The following ARB2A variants were observed in gnomAD, a reference collection of about 807,000 sequenced individuals.
ARB2A encodes the protein cotranscriptional regulator ARB2A.
At chr5:94,055,473 G>C in the ARB2A span, among the ~76,000 whole-genome samples, 10 of 152,008 alleles carry the variant, frequency 6.6e-5, no homozygotes, top group Non-Finnish European at 1.3e-4. Context: ...GCCATCAAAT[G>C]CTTCATTAAA....
the ARB2A span, among the ~76,000 whole-genome samples, chr5:93,893,748 C>T: frequency 6.6e-5 from 10 of 152,226 alleles, no homozygotes; most frequent in South Asian, 1.0e-3. Flanking sequence ...ATTTCAATAA[C>T]GAGATGCCAT....
At chr5:93,667,495 G>T in the ARB2A span, among the ~76,000 whole-genome samples, 1 of 152,070 alleles carries the variant, frequency 6.6e-6, no homozygotes, top group African/African-American at 2.4e-5. Flanking sequence ...TTGCTTTGTT[G>T]CCTAGGCTGG....
the ARB2A span, among the ~76,000 whole-genome samples, chr5:94,105,093 A>G: frequency 6.6e-6 from 1 of 152,126 alleles, no homozygotes; most frequent in Non-Finnish European, 1.5e-5. Flanking sequence ...CAAGACAAGC[A>G]TGCCCACTCT....
At chr5:93,852,886 C>T in the ARB2A span, among the ~76,000 whole-genome samples, 153 of 152,230 alleles carry the variant, frequency 1.0e-3, no homozygotes, top group African/African-American at 2.0e-3. Context: ...AGTCAGGTAG[C>T]GTGATGCCTC....
At chr5:93,890,181 A>G in the ARB2A span, among the ~76,000 whole-genome samples, 1 of 151,892 alleles carries the variant, frequency 6.6e-6, no homozygotes, top group Admixed American at 6.6e-5. Context: ...AATCTCCCCA[A>G]CTATCAGTTG....
chr5:94,057,483 T>C, the ARB2A span, among the ~76,000 whole-genome samples: 2 of 152,156 alleles, frequency 1.3e-5, no homozygotes, highest in Non-Finnish European at 2.9e-5. Context: ...TGCACAACAA[T>C]GTAAATGTAC....
At chr5:93,847,620 T>C in the ARB2A span, among the ~76,000 whole-genome samples, 5 of 152,340 alleles carry the variant, frequency 3.3e-5, no homozygotes, top group South Asian at 2.1e-4. Flanking sequence ...CTAATTATTA[T>C]ACTAATTATA....
chr5:93,687,427 C>A, the ARB2A span, among the ~76,000 whole-genome samples: 1 of 152,020 alleles, frequency 6.6e-6, no homozygotes, highest in Non-Finnish European at 1.5e-5. Context: ...AAGATACTTA[C>A]TTCAAAACTG....
chr5:93,717,655 G>A, the ARB2A span, among the ~76,000 whole-genome samples: 7 of 151,954 alleles, frequency 4.6e-5, no homozygotes, highest in African/African-American at 7.3e-5. Flanking sequence ...GATGAGTACT[G>A]AAGGTATAAA....
chr5:93,852,508 T>G, the ARB2A span, among the ~76,000 whole-genome samples: 1 of 152,308 alleles, frequency 6.6e-6, no homozygotes, highest in South Asian at 2.1e-4. Flanking sequence ...CTTTTGGTGT[T>G]TTAGACATGA....
At chr5:94,021,107 TA>T in the ARB2A span, among the ~76,000 whole-genome samples, 4 of 149,190 alleles carry the variant, frequency 2.7e-5, no homozygotes, top group East Asian at 1.9e-4. Flanking sequence ...CCTCCACGAC[TA>T]AAAAAAAAAT....
the ARB2A span, among the ~76,000 whole-genome samples, chr5:93,717,440 C>CTT: frequency 1.1e-3 from 117 of 107,370 alleles, no homozygotes; most frequent in African/African-American, 2.1e-3. Flanking sequence ...ACCACAGTTG[C>CTT]TTTTTTTTTT....
the ARB2A span, among the ~76,000 whole-genome samples, chr5:93,814,679 A>G: frequency 6.6e-6 from 1 of 152,196 alleles, no homozygotes; most frequent in Non-Finnish European, 1.5e-5. Flanking sequence ...TTAGACTAAA[A>G]CCTTCTTGAG....
At chr5:93,647,530 GTTTT>G in the ARB2A span, among the ~76,000 whole-genome samples, 2 of 151,362 alleles carry the variant, frequency 1.3e-5, no homozygotes, top group African/African-American at 4.9e-5. Flanking sequence ...CCAGCCCACA[GTTTT>G]TTGTTTGTTT....
At chr5:93,700,518 T>C in the ARB2A span, among the ~76,000 whole-genome samples, 1 of 152,018 alleles carries the variant, frequency 6.6e-6, no homozygotes, top group African/African-American at 2.4e-5. Context: ...AAAATGGTGA[T>C]CAAAGATTAA....
At chr5:93,926,644 C>T in the ARB2A span, among the ~76,000 whole-genome samples, 3 of 151,508 alleles carry the variant, frequency 2.0e-5, no homozygotes, top group East Asian at 1.9e-4. Context: ...ATGGTGGATG[C>T]GATAAAATGC....
At chr5:93,846,354 T>C in the ARB2A span, among the ~76,000 whole-genome samples, 1 of 151,114 alleles carries the variant, frequency 6.6e-6, no homozygotes, top group East Asian at 1.9e-4. Context: ...AAAAAAAAAT[T>C]AGCCAGGTGT....
chr5:93,954,316 A>G, the ARB2A span, among the ~76,000 whole-genome samples: 3 of 151,998 alleles, frequency 2.0e-5, no homozygotes, highest in East Asian at 5.8e-4. Context: ...GTTAGGGCCC[A>G]TGGGCTCTTT....
At chr5:93,961,751 G>T in the ARB2A span, among the ~76,000 whole-genome samples, 2 of 152,052 alleles carry the variant, frequency 1.3e-5, no homozygotes, top group African/African-American at 4.8e-5. Context: ...TTTTTAAGGG[G>T]CTACAAATTA....
Sources: allele counts gnomAD v4.1 joint callset (sites outside exome capture counted in the v4.1 genomes callset), GRCh38; gene constraint gnomAD v4.1.1; transcripts MANE v1.5; gene names NCBI Gene and HGNC (gene_info 2026-07-23, HGNC 2026-07-21).